The following SCG3 variants were observed in gnomAD, a reference collection of about 807,000 sequenced individuals.
The protein encoded by SCG3 is secretogranin III.
Under a neutral mutation model 56.2 loss-of-function variants are expected in SCG3, and 38 were observed. That is an observed-to-expected ratio of 0.68 (90% CI 0.52 to 0.89). The LOEUF is 0.89. Among genes scored for constraint, SCG3 ranks in the 40% least tolerant of loss-of-function variants. SCG3 has a pLI of 0.00. For synonymous variants in SCG3, 176 were observed against 184.2 expected, an observed-to-expected ratio of 0.96 and a Z score of 0.36; for missense variants, 524 against 540.7, an observed-to-expected ratio of 0.97 and a Z score of 0.31.
At chr15:51,691,212 GA>G (rs2141563140) in intron 6 of SCG3, among the ~76,000 whole-genome samples, 1 of 152,266 alleles carries the variant, frequency 6.6e-6, no homozygotes, top group South Asian at 2.1e-4. Flanking sequence ...GGCACAGAAA[GA>G]AAGAGCAAAA....
At chr15:51,705,062 C>A (rs1004060794) in intron 10 of SCG3, among the ~76,000 whole-genome samples, 1 of 151,844 alleles carries the variant, frequency 6.6e-6, no homozygotes, top group East Asian at 1.9e-4. Flanking sequence ...AAATAGCTAA[C>A]CAGGACAAGA....
chr15:51,705,608 G>A (rs1435366018), intron 10 of SCG3, among the ~76,000 whole-genome samples: 1 of 151,072 alleles, frequency 6.6e-6, no homozygotes, highest in East Asian at 1.9e-4. Flanking sequence ...TGCAACCCTC[G>A]CTGTCCAGGT....
intron 8 of SCG3, among the ~76,000 whole-genome samples, chr15:51,698,944 A>C (rs886483397): frequency 6.6e-6 from 1 of 152,194 alleles, no homozygotes; most frequent in Non-Finnish European, 1.5e-5. Context: ...AAATGTTCTG[A>C]GAGTGAGCCA....
At chr15:51,717,353 G>A (rs1461557780) in intron 11 of SCG3, among the ~76,000 whole-genome samples, 2 of 149,870 alleles carry the variant, frequency 1.3e-5, no homozygotes, top group African/African-American at 4.9e-5. Context: ...GGGCAACGGT[G>A]CAAGACTCCG....
intron 4 of SCG3, among the ~76,000 whole-genome samples, chr15:51,685,751 G>C (rs1214202784): frequency 6.6e-6 from 1 of 152,194 alleles, no homozygotes; most frequent in Non-Finnish European, 1.5e-5. Flanking sequence ...TTCCAAACAG[G>C]CTTGTACTAT....
intron 4 of SCG3, among the ~76,000 whole-genome samples, chr15:51,685,279 T>C (rs1245107205): frequency 6.6e-6 from 1 of 152,224 alleles, no homozygotes; most frequent in Non-Finnish European, 1.5e-5. Flanking sequence ...ACAAAACAGA[T>C]TCAACCACTT....
rs1555457970 is a variant in SCG3 at position 51,704,266 on chromosome 15, T to TATACATAC, written c.1207+3025_1207+3026insCATACATA. 2.1e-3 allele frequency among the ~76,000 whole-genome samples: 291 copies of TATACATAC among 135,978 alleles called. 5 individuals carry two copies. Among genetic ancestry groups the TATACATAC allele is most frequent in the African/African-American group, 7.9e-3 (271 of 34,110 alleles). The allele number at this position is 135,978 out of a possible 152,430, so 89.2% of individuals were successfully genotyped here. A position where few individuals can be genotyped will look rare whatever the true frequency, so the allele number is the denominator to read the frequency against. On this transcript the variant is annotated intron_variant, in intron 10 of 11. Transcript: ENST00000220478. Reference sequence around the variant, plus strand: ...ATACATATATATATATATATATATATATATATATATATAAAATAGCTCTTT... The same window carrying TATACATAC: ...ATACATATATATATATATATATATATATACATACATATATATATATAAAATAGCTCTTT...
At chr15:51,685,378 T>C (rs2055222056) in intron 4 of SCG3, among the ~76,000 whole-genome samples, 1 of 152,214 alleles carries the variant, frequency 6.6e-6, no homozygotes, top group Non-Finnish European at 1.5e-5. Context: ...GGCAGAGACA[T>C]AGATCTGTTT....
intron 1 of SCG3, 116 bp downstream of exon 1, chr15:51,681,953 C>A: frequency 2.7e-6 from 2 of 741,140 alleles, no homozygotes. Context: ...CAAATCATAT[C>A]CATGAATACG....
Position 51,720,601 on chromosome 15 carries a change from C to T in SCG3, c.*1075C>T, listed in dbSNP as rs2055490452. 6.6e-6 allele frequency: 1 copy of T among 152,116 alleles called. No homozygotes were observed. The highest frequency in any genetic ancestry group is 6.5e-5 in the Admixed American group (1 of 15,280). The allele number at this position is 152,116 out of a possible 1,614,324, so 9.4% of individuals were successfully genotyped here. A position where few individuals can be genotyped will look rare whatever the true frequency, so the allele number is the denominator to read the frequency against. On this transcript the variant is annotated 3_prime_UTR_variant, in exon 12 of 12. Coordinates refer to ENST00000220478, the MANE Select transcript of SCG3 (RefSeq NM_013243.4). ...TATTTGTTTCAAACTGTAAAAATAA[C>T]ATAATATGTAATTTGTGTATTAGTG...
chr15:51,711,694 A>G (rs1039098470), intron 10 of SCG3, among the ~76,000 whole-genome samples: 2 of 152,232 alleles, frequency 1.3e-5, no homozygotes, highest in Admixed American at 6.5e-5. Flanking sequence ...AATGTTGTGC[A>G]GGCTGGTCTT....
chr15:51,685,937 A>G (rs2055226079), intron 4 of SCG3, among the ~76,000 whole-genome samples: 1 of 152,202 alleles, frequency 6.6e-6, no homozygotes, highest in Non-Finnish European at 1.5e-5. Context: ...GTCAGGGAGC[A>G]TGCCTAACCT....
rs73405321 is a variant in SCG3, at chr15:51,719,528, A to G, written c.*2A>G. 6.7e-3 allele frequency: 10,760 copies of G among 1,601,342 alleles called. 57 individuals are homozygous for G. The highest frequency in any genetic ancestry group is 0.024 in the African/African-American group (1,815 of 74,708). On this transcript the variant is annotated 3_prime_UTR_variant, in exon 12 of 12. Transcript: ENST00000220478. ...AAGCGCATTTATAGCAGCCTGTAAAAATGGCAAAAGATCCAGGAGTCTTTC... is the reference window on the plus strand; with the variant it reads ...AAGCGCATTTATAGCAGCCTGTAAAGATGGCAAAAGATCCAGGAGTCTTTC...
intron 7 of SCG3, chr15:51,693,183 C>T (rs906606156): frequency 6.6e-6 from 1 of 152,174 alleles, no homozygotes; most frequent in Non-Finnish European, 1.5e-5. Flanking sequence ...TACATGTTGT[C>T]ATACACACAC....
rs747316994 is a variant in SCG3, at chr15:51,681,769, G to C, written c.14G>C (p.Gly5Ala). 6.2e-7 allele frequency: 1 copy of C among 1,614,062 alleles called. No individual in the cohort carries two copies. The highest frequency in any genetic ancestry group is 1.7e-5 in the Admixed American group (1 of 60,014). The change falls in exon 1 of 12, where the codon GGG becomes GCG. Residue 5 changes from glycine (G) to alanine (A), a missense_variant. Transcript: ENST00000220478. ...GAGCGTGGAAGAATGGGGTTCCTCG[G>C]GACCGGCACTTGGATTCTGGTGTTA... MGFLGTGTWILVLVL... is the reference protein window; with the variant it reads MGFLATGTWILVLVL...
rs185951011 is a variant in SCG3, at chr15:51,702,048, C to A, written c.1207+804C>A. On this transcript the variant is annotated intron_variant, in intron 10 of 11. Transcript: ENST00000220478. ...TGTATACATATGTAACAAACCTGCA[C>A]ATTGTGCACATGTACCCTAGAACTT... Among the ~76,000 whole-genome samples, 667 of 152,184 alleles carry A rather than the reference C, an allele frequency of 4.4e-3. 7 individuals are homozygous for A. Among genetic ancestry groups the A allele is most frequent in the African/African-American group, 0.015 (629 of 41,498 alleles).
At chr15:51,709,688 TATATATATATATA>T (rs1166937967) in intron 10 of SCG3, among the ~76,000 whole-genome samples, 312 of 21,842 alleles carry the variant, frequency 0.014, 4 homozygotes, top group Non-Finnish European at 0.02. Flanking sequence ...TATATATATA[TATATATATATATA>T]TTTTTTTTTT....
intron 4 of SCG3, 124 bp downstream of exon 4, chr15:51,683,558 G>A: frequency 3.4e-6 from 2 of 591,600 alleles, no homozygotes; most frequent in South Asian, 2.4e-5. Context: ...GTCCAAAATT[G>A]AGATAAAGCA....
chr15:51,689,018 C>T (rs1038049271), intron 5 of SCG3, among the ~76,000 whole-genome samples: 3 of 152,058 alleles, frequency 2.0e-5, no homozygotes, highest in African/African-American at 4.8e-5. Flanking sequence ...ATGGTGGGCC[C>T]GAAGATACTT....
Sources: gnomAD v4.1 joint callset for allele counts (sites outside exome capture counted in the v4.1 genomes callset) on GRCh38, gnomAD v4.1.1 for gene constraint, MANE v1.5 for transcripts, NCBI Gene and HGNC (gene_info 2026-07-23, HGNC 2026-07-21) for gene names.